PYY: variants seen among roughly 807,000 people sequenced by gnomAD.
PYY encodes the protein peptide tyrosine tyrosine.
In PYY, 12 loss-of-function variants were observed where a neutral mutation model predicts 10.3. The observed-to-expected ratio is 1.17, with a 90% CI of 0.75 to 1.89. The LOEUF (loss-of-function observed/expected upper bound fraction) is 1.89, where lower values mean the gene tolerates loss of function less well. Among genes scored for constraint, PYY ranks in the 40% most tolerant of loss-of-function variants. The pLI is 0.00. For synonymous variants in PYY, 66 were observed against 62.0 expected (o/e 1.06, Z -0.30); for missense variants, 141 against 134.0 (o/e 1.05, Z -0.26).
At chr17:43,979,894 A>AT (rs2048871529) in intron 1 of PYY, among the ~76,000 whole-genome samples, 1 of 152,070 alleles carries the variant, frequency 6.6e-6, no homozygotes, top group South Asian at 2.1e-4. Context: ...GTCAAAACAC[A>AT]TTTTCAACTT....
intron 1 of PYY, among the ~76,000 whole-genome samples, chr17:43,974,092 A>C (rs2048813470): frequency 6.6e-6 from 1 of 151,820 alleles, no homozygotes; most frequent in Non-Finnish European, 1.5e-5. Flanking sequence ...TCCCCTTCCC[A>C]TTGCAATTTG....
At chr17:43,966,714 AT>A (rs2048757786) in intron 1 of PYY, among the ~76,000 whole-genome samples, 1 of 152,136 alleles carries the variant, frequency 6.6e-6, no homozygotes, top group South Asian at 2.1e-4. Context: ...TAATTGACTT[AT>A]TTGTATGCTT....
chr17:43,953,642 C>T (rs1567924819), intron 1 of PYY, among the ~76,000 whole-genome samples, 159 bp from the exon 2 acceptor site: 1 of 152,154 alleles, frequency 6.6e-6, no homozygotes, highest in African/African-American at 2.4e-5. Context: ...GGGCACTGCA[C>T]CGTCTCCTGA....
At chr17:43,995,845 A>C (rs1443922017) in intron 1 of PYY, among the ~76,000 whole-genome samples, 1 of 149,454 alleles carries the variant, frequency 6.7e-6, no homozygotes, top group Non-Finnish European at 1.5e-5. Context: ...AAAAAAAAAA[A>C]ACGAAAAGAA....
chr17:43,999,348 G>T lies in PYY; in HGVS notation c.-463+5043C>A, dbSNP rs190866114. 1.1e-3 allele frequency among the ~76,000 whole-genome samples: 168 copies of T among 152,204 alleles called. 3 individuals carry two copies. The highest frequency in any genetic ancestry group is 3.8e-3 in the African/African-American group (159 of 41,524). ...GGACCTGGAGGCAGCAATTTTGTTC[G>T]CTTTTTCCAGGAATTTTGAAGGTAA... On this transcript the variant is annotated intron_variant, in intron 1 of 6. Transcript: ENST00000360085.
intron 2 of PYY, among the ~76,000 whole-genome samples, chr17:43,960,809 C>T (rs2048707446): frequency 6.8e-6 from 1 of 147,572 alleles, no homozygotes; most frequent in Non-Finnish European, 1.5e-5. Flanking sequence ...GAGATCATGC[C>T]ACTGCACTCC....
chr17:43,989,517 A>G (rs2048938728), intron 1 of PYY, among the ~76,000 whole-genome samples: 1 of 152,156 alleles, frequency 6.6e-6, no homozygotes. Context: ...CAGTTTCTCC[A>G]CATCCTCACA....
intron 1 of PYY, among the ~76,000 whole-genome samples, chr17:43,995,281 C>T (rs1731902): frequency 0.53 from 80,702 of 152,056 alleles, 22,107 homozygotes; most frequent in Middle Eastern, 0.74. Context: ...TTGGGATATG[C>T]AAATATTAAG....
chr17:43,960,428 A>C (rs1329307522), intron 2 of PYY, among the ~76,000 whole-genome samples: 1 of 143,624 alleles, frequency 7.0e-6, no homozygotes, highest in Non-Finnish European at 1.5e-5. Context: ...CTGTAATCCC[A>C]GCTACTCAGG....
At chr17:43,968,217 T>G (rs1462124557) in intron 1 of PYY, among the ~76,000 whole-genome samples, 2 of 152,092 alleles carry the variant, frequency 1.3e-5, no homozygotes, top group Non-Finnish European at 2.9e-5. Context: ...TGTTTATTTT[T>G]AAAAACAGTT....
chr17:43,980,015 C>T (rs2048872246), intron 1 of PYY, among the ~76,000 whole-genome samples: 1 of 152,162 alleles, frequency 6.6e-6, no homozygotes, highest in Admixed American at 6.5e-5. Flanking sequence ...AGAAACAGAA[C>T]ATTACAAGCC....
At chr17:44,000,711 G>C (rs542409305) in intron 1 of PYY, among the ~76,000 whole-genome samples, 14 of 151,680 alleles carry the variant, frequency 9.2e-5, no homozygotes, top group Middle Eastern at 3.4e-3. Flanking sequence ...ACCACACCTG[G>C]CTAATTTTTG....
At chr17:43,976,434 C>A (rs1409902256) in intron 1 of PYY, among the ~76,000 whole-genome samples, 1 of 144,018 alleles carries the variant, frequency 6.9e-6, no homozygotes, top group African/African-American at 2.6e-5. Context: ...CATATATACA[C>A]ATATACATGT....
intron 2 of PYY, among the ~76,000 whole-genome samples, chr17:43,965,656 T>G (rs2143909631): frequency 6.7e-6 from 1 of 150,208 alleles, no homozygotes; most frequent in South Asian, 2.1e-4. Context: ...GGCATGGTGG[T>G]GTGTGCCTGT....
chr17:43,963,646 A>G (rs1281881545), intron 2 of PYY, among the ~76,000 whole-genome samples: 7 of 149,612 alleles, frequency 4.7e-5, no homozygotes, highest in Non-Finnish European at 1.0e-4. Context: ...GAAAAGAGAG[A>G]ACAGAGAGAA....
intron 1 of PYY, among the ~76,000 whole-genome samples, chr17:43,968,374 C>T (rs2048768044): frequency 6.6e-6 from 1 of 151,970 alleles, no homozygotes; most frequent in South Asian, 2.1e-4. Context: ...CAATCTCTTC[C>T]AGAAAATAGA....
At chr17:43,956,393 C>T (rs1209978098), upstream of PYY, among the ~76,000 whole-genome samples, 1 of 151,218 alleles carries the variant, frequency 6.6e-6, no homozygotes, top group Non-Finnish European at 1.5e-5. Flanking sequence ...GAAAATGTCT[C>T]AGCCCTCGAT....
At chr17:43,961,923 C>A (rs2048715204) in intron 2 of PYY, among the ~76,000 whole-genome samples, 7 of 152,276 alleles carry the variant, frequency 4.6e-5, no homozygotes. Flanking sequence ...TGGCCTTCAC[C>A]TCAGCATGCA....
At chr17:43,972,537 A>G (rs1240188130) in intron 1 of PYY, among the ~76,000 whole-genome samples, 1 of 60,756 alleles carries the variant, frequency 1.6e-5, no homozygotes, top group African/African-American at 8.0e-5. Flanking sequence ...ACTTTAAAAA[A>G]CATTTTTTTT....
Sources: gnomAD v4.1 joint callset for allele counts (sites outside exome capture counted in the v4.1 genomes callset) on GRCh38, gnomAD v4.1.1 for gene constraint, MANE v1.5 for transcripts, NCBI Gene and HGNC (gene_info 2026-07-23, HGNC 2026-07-21) for gene names.